Variants in PRKCB observed in about 807,000 individuals in gnomAD.
PRKCB encodes the protein protein kinase C beta type.
PRKCB carries 13 observed loss-of-function variants against 81.5 expected under a neutral mutation model. The ratio of observed to expected loss-of-function variants is 0.16; its 90% CI spans 0.10 to 0.25. The LOEUF (loss-of-function observed/expected upper bound fraction) is 0.25, where lower values mean the gene tolerates loss of function less well. PRKCB is among the 10% of genes least tolerant of loss of function. The probability of loss-of-function intolerance (pLI) is 1.00; values close to 1 mark genes in which losing one functional copy is unlikely to be tolerated. For missense variants in PRKCB, 509 were observed against 875.7 expected (o/e 0.58, Z 5.29); for synonymous variants, 335 against 321.4 (o/e 1.04, Z -0.45).
At chr16:24,068,346 C>T (rs1596535291) in intron 5 of PRKCB, among the ~76,000 whole-genome samples, 1 of 152,230 alleles carries the variant, frequency 6.6e-6, no homozygotes, top group Non-Finnish European at 1.5e-5. Flanking sequence ...TCCTGCCTTC[C>T]CTGGAAGCTT....
chr16:24,049,614 C>T (rs972451268), intron 5 of PRKCB, among the ~76,000 whole-genome samples: 1 of 152,220 alleles, frequency 6.6e-6, no homozygotes, highest in Non-Finnish European at 1.5e-5. Context: ...CCCTTAACTA[C>T]TACCCTGGTC....
intron 12 of PRKCB, among the ~76,000 whole-genome samples, chr16:24,180,559 G>A (rs1967601967): frequency 6.6e-6 from 1 of 152,044 alleles, no homozygotes; most frequent in Non-Finnish European, 1.5e-5. Context: ...TTGTGTCCTT[G>A]TGAGACACTT....
chr16:24,141,081 C>T (rs1596565974), intron 9 of PRKCB, among the ~76,000 whole-genome samples: 2 of 152,332 alleles, frequency 1.3e-5, no homozygotes, highest in African/African-American at 4.8e-5. Flanking sequence ...TGTTAACATG[C>T]CTTATGTCAT....
At chr16:23,928,821 C>T (rs561526910) in intron 2 of PRKCB, among the ~76,000 whole-genome samples, 51 of 152,004 alleles carry the variant, frequency 3.4e-4, no homozygotes, top group African/African-American at 1.2e-3. Flanking sequence ...CAGGTTCAAG[C>T]GATTCTCCTG....
rs1967436612 is a variant in PRKCB, at chr16:24,171,301, CCT to C, written c.1240-967_1240-966del. Among the ~76,000 whole-genome samples the C allele has an allele frequency of 4.6e-5, 7 of 152,292 alleles. No individual in the cohort carries two copies. In the South Asian group the frequency reaches 1.2e-3, roughly 27 times the overall value. On this transcript the variant is annotated intron_variant, in intron 10 of 16. Coordinates refer to ENST00000643927, the MANE Select transcript of PRKCB (RefSeq NM_002738.7). ...GTTGGTGCTGGCTGCTGGCAGGAGGCCTCAGTTCTTTGCCAAATGTACCTTCC... is the reference window on the plus strand; with the variant it reads ...GTTGGTGCTGGCTGCTGGCAGGAGGCCAGTTCTTTGCCAAATGTACCTTCC...
intron 2 of PRKCB, chr16:23,869,350 C>T (rs543607507): frequency 1.1e-4 from 32 of 280,132 alleles, no homozygotes; most frequent in East Asian, 9.6e-4. Flanking sequence ...ACACGTAGCA[C>T]GAGTAAGAGC....
At chr16:24,140,549 T>C (rs751276138) in intron 9 of PRKCB, among the ~76,000 whole-genome samples, 1 of 152,230 alleles carries the variant, frequency 6.6e-6, no homozygotes, top group South Asian at 2.1e-4. Flanking sequence ...GTGCTGCTGA[T>C]TGGTTGGAGA....
chr16:23,964,423 G>A (rs1031664509), intron 2 of PRKCB, among the ~76,000 whole-genome samples: 8 of 152,230 alleles, frequency 5.3e-5, no homozygotes, highest in Non-Finnish European at 8.8e-5. Context: ...CAGAGACCAT[G>A]TGGCCTGCAA....
chr16:24,194,361 CA>C (rs568973066), intron 16 of PRKCB, among the ~76,000 whole-genome samples: 2,616 of 147,540 alleles, frequency 0.018, 78 homozygotes, highest in African/African-American at 0.058. Context: ...CAAAAAACAA[CA>C]AAAAAAAAAC....
intron 9 of PRKCB, among the ~76,000 whole-genome samples, chr16:24,129,711 CATCAATCA>C (rs71381643): frequency 6.6e-6 from 1 of 151,442 alleles, no homozygotes; most frequent in Admixed American, 6.6e-5. Context: ...GTCTACGTAT[CATCAATCA>C]ATCAATCATC....
intron 13 of PRKCB, 95 bp from the exon 14 acceptor site, chr16:24,185,016 T>G (rs1967681721): frequency 9.9e-7 from 1 of 1,007,646 alleles, no homozygotes; most frequent in Non-Finnish European, 1.6e-6. Context: ...ACAGTTCAGG[T>G]GGGCACTGGC....
chr16:23,879,682 C>T (rs1190381933), intron 2 of PRKCB, among the ~76,000 whole-genome samples: 3 of 151,864 alleles, frequency 2.0e-5, no homozygotes, highest in African/African-American at 7.3e-5. Flanking sequence ...TTAGTAGAGA[C>T]GGGGTTTCAC....
At chr16:24,005,069 T>G (rs1204351195) in intron 3 of PRKCB, among the ~76,000 whole-genome samples, 1 of 152,198 alleles carries the variant, frequency 6.6e-6, no homozygotes, top group South Asian at 2.1e-4. Context: ...GTGTCTTGAC[T>G]GGGATGGTGC....
chr16:23,955,033 G>T (rs1287609666), intron 2 of PRKCB, among the ~76,000 whole-genome samples: 1 of 152,134 alleles, frequency 6.6e-6, no homozygotes, highest in Non-Finnish European at 1.5e-5. Flanking sequence ...GGGATGCAGG[G>T]GAGCTTAATG....
intron 2 of PRKCB, among the ~76,000 whole-genome samples, chr16:23,919,249 T>C (rs897785644): frequency 1.3e-5 from 2 of 152,204 alleles, no homozygotes; most frequent in Non-Finnish European, 2.9e-5. Flanking sequence ...TATAGCTCTA[T>C]TACTTTTGGA....
At chr16:23,960,217 T>C (rs1244469859) in intron 2 of PRKCB, among the ~76,000 whole-genome samples, 1 of 152,172 alleles carries the variant, frequency 6.6e-6, no homozygotes, top group Non-Finnish European at 1.5e-5. Context: ...TCACAAACAC[T>C]TCCTTTTTTA....
At chr16:24,045,554 A>C (rs562196397) in intron 5 of PRKCB, among the ~76,000 whole-genome samples, 1 of 152,214 alleles carries the variant, frequency 6.6e-6, no homozygotes, top group African/African-American at 2.4e-5. Context: ...TTTGACTTAA[A>C]CTTCAATCCT....
chr16:24,004,478 C>T (rs962829168), intron 3 of PRKCB, among the ~76,000 whole-genome samples: 20 of 47,426 alleles, frequency 4.2e-4, no homozygotes, highest in African/African-American at 1.5e-3. Context: ...CAAGTCTCTA[C>T]AAAAAAAAAA....
At chr16:24,191,372 C>A in intron 16 of PRKCB, 142 bp downstream of exon 16, 45 of 782,550 alleles carry the variant, frequency 5.8e-5, no homozygotes, top group East Asian at 1.8e-4. Flanking sequence ...CACATATGCA[C>A]AAAATCACTG....
Sources: allele counts gnomAD v4.1 joint callset (sites outside exome capture counted in the v4.1 genomes callset), GRCh38; gene constraint gnomAD v4.1.1; transcripts MANE v1.5; gene names NCBI Gene and HGNC (gene_info 2026-07-23, HGNC 2026-07-21).